TUT7: variants seen among roughly 807,000 people sequenced by gnomAD.
TUT7 encodes terminal uridylyl transferase 7.
A neutral mutation model predicts 165.9 loss-of-function variants in TUT7; 33 were observed. The observed-to-expected ratio is 0.20, with a 90% CI of 0.15 to 0.27. The LOEUF (loss-of-function observed/expected upper bound fraction) is 0.27, where lower values mean the gene tolerates loss of function less well. Among genes scored for constraint, TUT7 ranks in the 10% least tolerant of loss-of-function variants. TUT7 has a pLI of 1.00. For synonymous variants in TUT7, 552 were observed against 608.1 expected, an observed-to-expected ratio of 0.91 and a Z score of 1.36; for missense variants, 1,338 against 1,762.3, an observed-to-expected ratio of 0.76 and a Z score of 4.31.
At position 86,346,399 on chromosome 9, in the gene TUT7, C is replaced by A; in HGVS notation, c.602G>T (p.Gly201Val). Residue 201 changes from glycine (G) to valine (V), a missense_variant, in exon 3 of 27, where the codon GGC (glycine) becomes GTC (valine). Coordinates refer to ENST00000375963, the MANE Select transcript of TUT7 (RefSeq NM_024617.4). Reference protein sequence around the residue: ...EENEQDGDLEGPVIDESVLST... With the variant: ...EENEQDGDLEVPVIDESVLST... ...AAGTACAGACTCATCGATCACAGGG[C>A]CTTCCAAGTCTCCATCCTGCTCATT... The A allele has an allele frequency of 6.2e-7, 1 of 1,614,108 alleles. No homozygotes were observed. The highest frequency in any genetic ancestry group is 8.5e-7 in the Non-Finnish European group (1 of 1,179,998).
At chr9:86,302,400 T>C (rs1162709472) in intron 25 of TUT7, among the ~76,000 whole-genome samples, 1 of 152,220 alleles carries the variant, frequency 6.6e-6, no homozygotes. Flanking sequence ...GAACAGTTAC[T>C]GTGCATTAGA....
Position 86,304,869 on chromosome 9 carries a change from T to C in TUT7, c.3965A>G (p.Tyr1322Cys). 1 of 1,607,606 alleles carries C rather than the reference T, an allele frequency of 6.2e-7. No individual in the cohort carries two copies. Residue 1322 changes from tyrosine (Y) to cysteine (C), a missense_variant, in exon 24 of 27, where the codon TAC becomes TGC. Tyr to Cys is a radical substitution (Grantham distance 194). Coordinates refer to ENST00000375963, the MANE Select transcript of TUT7 (RefSeq NM_024617.4). Reference protein sequence around the residue: ...GIPVKGFPKDYPSKMEYFFDP... With the variant: ...GIPVKGFPKDCPSKMEYFFDP... ...CAACACACTTACCATTTTTGAGGGG[T>C]AGTCCTTTGGAAATCCCTTGACAGG... is the stretch of plus-strand genomic sequence containing the variant.
chr9:86,349,092 A>G (rs1832041068), intron 2 of TUT7, among the ~76,000 whole-genome samples: 1 of 152,052 alleles, frequency 6.6e-6, no homozygotes, highest in Non-Finnish European at 1.5e-5. Flanking sequence ...CATCCTGGCC[A>G]ACATGGTGAA....
chr9:86,294,748 A>G (rs1411335157), intron 26 of TUT7, among the ~76,000 whole-genome samples: 1 of 149,132 alleles, frequency 6.7e-6, no homozygotes, highest in African/African-American at 2.5e-5. Flanking sequence ...ATATTTGTTT[A>G]TTATTATTAT....
At chr9:86,310,908 T>G (rs1827989020) in intron 17 of TUT7, 99 bp from the exon 18 acceptor site, 2 of 688,398 alleles carry the variant, frequency 2.9e-6, no homozygotes, top group African/African-American at 1.8e-5. Context: ...AAACCTAACT[T>G]TGGCCTGTTT....
At position 86,288,234 on chromosome 9, in the gene TUT7, C is replaced by T. The variant is rs1033681186; in HGVS notation, c.*443G>A. ...TAGCAGTTCATACATATCTGATATG[C>T]TTTCACACCAGGATTCAGTAAACAA... On this transcript the variant is annotated 3_prime_UTR_variant, in exon 27 of 27. Coordinates refer to ENST00000375963, the MANE Select transcript of TUT7 (RefSeq NM_024617.4). The T allele has an allele frequency of 3.9e-5, 6 of 153,388 alleles. No homozygotes were observed. The highest frequency in any genetic ancestry group is 8.7e-5 in the Non-Finnish European group (6 of 68,874). The allele number at this position is 153,388 out of a possible 1,614,324, so 9.5% of individuals were successfully genotyped here.
At chr9:86,293,076 A>G (rs772731404) in intron 26 of TUT7, among the ~76,000 whole-genome samples, 1 of 152,220 alleles carries the variant, frequency 6.6e-6, no homozygotes, top group African/African-American at 2.4e-5. Flanking sequence ...GGTAAGCATG[A>G]TAAGAAACCA....
intron 22 of TUT7, among the ~76,000 whole-genome samples, chr9:86,306,177 C>CT (rs756260110): frequency 2.0e-5 from 3 of 152,124 alleles, no homozygotes; most frequent in African/African-American, 7.2e-5. Flanking sequence ...AAGCGATGAC[C>CT]TTTTTTCGGG....
intron 10 of TUT7, among the ~76,000 whole-genome samples, chr9:86,332,917 CCT>C (rs1469805025): frequency 2.6e-5 from 4 of 152,074 alleles, no homozygotes; most frequent in East Asian, 3.9e-4. Context: ...TGTATTATTT[CCT>C]CTGTCATGAA....
chr9:86,306,502 G>A (rs890275475), intron 22 of TUT7, among the ~76,000 whole-genome samples: 4 of 152,172 alleles, frequency 2.6e-5, no homozygotes, highest in African/African-American at 9.7e-5. Flanking sequence ...ATTAGCTACT[G>A]TGCAGTTAAA....
chr9:86,295,347 C>T (rs1422901597), intron 26 of TUT7, among the ~76,000 whole-genome samples: 2 of 151,680 alleles, frequency 1.3e-5, no homozygotes, highest in Non-Finnish European at 2.9e-5. Flanking sequence ...ATTTACAGCC[C>T]CCCTCCCCCA....
intron 13 of TUT7, 42 bp from the exon 14 acceptor site, chr9:86,322,517 T>G: frequency 6.4e-7 from 1 of 1,574,360 alleles, no homozygotes; most frequent in Non-Finnish European, 8.6e-7. Context: ...TAACACTTTA[T>G]TTGCCAAATA....
At chr9:86,328,614 G>A in intron 10 of TUT7, 122 bp from the exon 11 acceptor site, 1 of 749,752 alleles carries the variant, frequency 1.3e-6, no homozygotes, top group Non-Finnish European at 2.0e-6. Context: ...TATAATTTAT[G>A]GACTATCACA....
Position 86,328,371 on chromosome 9 carries a change from G to A in TUT7, c.1577C>T (p.Ala526Val). Reference protein sequence around the residue: ...AGDTGITKEEAPRETPIKRGQ... With the variant: ...AGDTGITKEEVPRETPIKRGQ... ...CCTTTTAATCGGCGTTTCTCTTGGT[G>A]CCTCTTCTTTTGTTATGCCTGTGTC... Residue 526 changes from alanine (A) to valine (V), a missense_variant, in exon 11 of 27, where the codon GCA becomes GTA. Around this residue, in one of 7 missense-constraint regions of TUT7, gnomAD observed 53 missense variants for 46.3 expected, o/e 1.15. Coordinates refer to ENST00000375963, the MANE Select transcript of TUT7 (RefSeq NM_024617.4). The A allele has an allele frequency of 6.2e-7, 1 of 1,605,286 alleles. No homozygotes were observed. The highest frequency in any genetic ancestry group is 8.5e-7 in the Non-Finnish European group (1 of 1,176,194).
Position 86,337,432 on chromosome 9 carries a change from T to C in TUT7, c.1442A>G (p.Tyr481Cys), listed in dbSNP as rs1416630000. The C allele has an allele frequency of 1.9e-6, 3 of 1,613,494 alleles. No homozygotes were observed. Among genetic ancestry groups the C allele is most frequent in the Non-Finnish European group, 2.5e-6 (3 of 1,179,738 alleles). ...AATGTTTTATACCCATGATCCTAGA[T>C]ATACAGGCAAAAGGGGTTCTTTCCT... ...QQRKEPLLPV[Y>C]LGSWIEGFSL... The change falls in exon 10 of 27, where the codon TAT becomes TGT. Residue 481 changes from tyrosine to cysteine, a missense_variant. This residue lies in a region of TUT7 where 74 missense variants were observed against 128.5 expected (regional missense o/e 0.58). Transcript: ENST00000375963.
chr9:86,322,493 A>T lies in TUT7; in HGVS notation c.2878-18T>A, dbSNP rs774902887. On this transcript the variant is annotated intron_variant, in intron 13 of 26. Transcript: ENST00000375963. ...GTAGGAGACTGCAGGAATATGGCAAAGCAAAACAAGACTTAACACTTTATT... is the reference window on the plus strand; with the variant it reads ...GTAGGAGACTGCAGGAATATGGCAATGCAAAACAAGACTTAACACTTTATT... The T allele has an allele frequency of 1.3e-6, 2 of 1,595,670 alleles. No homozygotes were observed. Among genetic ancestry groups the T allele is most frequent in the South Asian group, 2.3e-5 (2 of 87,312 alleles).
intron 14 of TUT7, among the ~76,000 whole-genome samples, chr9:86,321,935 G>T (rs374827926): frequency 6.6e-6 from 1 of 152,030 alleles, no homozygotes; most frequent in African/African-American, 2.4e-5. Flanking sequence ...ATTTAGTCAG[G>T]CATAGTGGCA....
intron 19 of TUT7, 53 bp downstream of exon 19, chr9:86,309,875 G>A (rs1180916392): frequency 4.7e-6 from 7 of 1,488,626 alleles, no homozygotes; most frequent in Non-Finnish European, 6.5e-6. Context: ...TTTCAACAGT[G>A]TTTAAAGATG....
intron 17 of TUT7, 140 bp from the exon 18 acceptor site, chr9:86,310,949 T>C (rs1317109898): frequency 1.7e-6 from 1 of 595,770 alleles, no homozygotes; most frequent in Non-Finnish European, 3.0e-6. Context: ...GTCAAAGAAT[T>C]CTGTTATTAA....
Sources: allele counts gnomAD v4.1 joint callset (sites outside exome capture counted in the v4.1 genomes callset), GRCh38; gene constraint gnomAD v4.1.1; regional missense constraint gnomAD v4.1.1; transcripts MANE v1.5; gene names NCBI Gene and HGNC (gene_info 2026-07-23, HGNC 2026-07-21).